The following MGAM2 variants were observed in gnomAD, a reference collection of about 807,000 sequenced individuals.
MGAM2 encodes probable maltase-glucoamylase 2.
A neutral mutation model predicts 96.1 loss-of-function variants in MGAM2; 98 were observed. The observed-to-expected ratio is 1.02, with a 90% confidence interval of 0.87 to 1.21. The LOEUF (loss-of-function observed/expected upper bound fraction) is 1.21, where lower values mean the gene tolerates loss of function less well. Among genes scored for constraint, MGAM2 ranks in the 50% most tolerant of loss-of-function variants. MGAM2 has a pLI of 0.00. For synonymous variants in MGAM2, 749 were observed against 414.8 expected (o/e 1.81, Z -9.79); for missense variants, 2,055 against 1,182.4 (o/e 1.74, Z -10.82).
chr7:142,195,179 A>G (rs10230192), intron 37 of MGAM2, among the ~76,000 whole-genome samples: 102,993 of 150,762 alleles, frequency 0.68, 35,206 homozygotes, highest in African/African-American at 0.72. Flanking sequence ...CTACAGACAC[A>G]CGTGCACCAC....
chr7:142,164,684 T>A (rs145999253), intron 23 of MGAM2, among the ~76,000 whole-genome samples, 172 bp from the exon 24 acceptor site: 3 of 152,100 alleles, frequency 2.0e-5, no homozygotes, highest in African/African-American at 7.2e-5. Context: ...AATTTAAGAT[T>A]GATAAGAGTC....
intron 37 of MGAM2, among the ~76,000 whole-genome samples, chr7:142,190,904 G>A (rs1247933508): frequency 6.6e-6 from 1 of 152,052 alleles, no homozygotes; most frequent in African/African-American, 2.4e-5. Flanking sequence ...GGAGGCCGAA[G>A]TGGGAGGATT....
At position 142,183,241 on chromosome 7, in the gene MGAM2, G is replaced by C. The variant is rs985608621; in HGVS notation, c.3817-25G>C. 4 of 694,194 alleles carry C rather than the reference G, an allele frequency of 5.8e-6. No individual in the cohort carries two copies. The African/African-American group carries it at 7.0e-5, about 12-fold the overall frequency. 43.0% of individuals were successfully genotyped at this position (694,194 alleles called of 1,614,324 possible). A position where few individuals can be genotyped will look rare whatever the true frequency, so the allele number is the denominator to read the frequency against. On this transcript the variant is annotated intron_variant, in intron 32 of 47. Coordinates refer to ENST00000477922, the MANE Select transcript of MGAM2 (RefSeq NM_001293626.2). ...TCTTAGAGATGTTTTCCTCACATTT[G>C]CTGTTTGAAATTCTTTTACTGCAGG...
In MGAM2 at chr7:142,153,990, A is replaced by T. The variant is rs915869617; in HGVS notation, c.1635-28A>T. The T allele has an allele frequency of 1.0e-5, 6 of 577,064 alleles. No individual in the cohort carries two copies. The African/African-American group carries it at 1.1e-4, about 10-fold the overall frequency. 35.7% of individuals were successfully genotyped at this position (577,064 alleles called of 1,614,324 possible). ...GTCCTAGACATTCACAGCCCACCTC[A>T]CACTCCACTGGATGTATTCCTTTCC... is the stretch of plus-strand genomic sequence containing the variant. On this transcript the variant is annotated intron_variant, in intron 15 of 47. Coordinates refer to ENST00000477922, the MANE Select transcript of MGAM2 (RefSeq NM_001293626.2).
Position 142,113,822 on chromosome 7 carries a change from T to TG in MGAM2, c.-1+2021dup, listed in dbSNP as rs917036278. Among the ~76,000 whole-genome samples the TG allele has an allele frequency of 1.2e-3, 189 of 152,122 alleles. 1 individual carries two copies. The highest frequency in any genetic ancestry group is 4.4e-3 in the African/African-American group (184 of 41,512). On this transcript the variant is annotated intron_variant, in intron 1 of 47. Transcript: ENST00000477922. ...TAAAAAAGAAGCCTATACCAGAATT[T>TG]GGGGGGCATCAACATTTAATGAAAT...
chr7:142,120,932 C>T (rs1196952322), intron 3 of MGAM2, among the ~76,000 whole-genome samples: 3 of 152,114 alleles, frequency 2.0e-5, no homozygotes, highest in Non-Finnish European at 4.4e-5. Flanking sequence ...AAAATATCAG[C>T]GACTTGAACC....
chr7:142,154,542 A>T (rs1177178075), intron 16 of MGAM2, among the ~76,000 whole-genome samples, 187 bp from the exon 17 acceptor site: 1 of 152,228 alleles, frequency 6.6e-6, no homozygotes, highest in African/African-American at 2.4e-5. Context: ...TTGCACTATC[A>T]GTAAGTCCGT....
intron 16 of MGAM2, 87 bp from the exon 17 acceptor site, chr7:142,154,642 G>T (rs534464984): frequency 3.3e-5 from 22 of 667,106 alleles, no homozygotes; most frequent in Non-Finnish European, 5.7e-5. Flanking sequence ...TGACAAAGAG[G>T]TTCTCTTTTC....
chr7:142,176,173 T>C (rs564447770), intron 32 of MGAM2, among the ~76,000 whole-genome samples: 2 of 152,102 alleles, frequency 1.3e-5, no homozygotes, highest in East Asian at 3.9e-4. Context: ...AATCTCATCT[T>C]TACGTCAGGA....
chr7:142,219,900 A>G lies in MGAM2; in HGVS notation c.5389A>G (p.Ile1797Val), dbSNP rs1454989056. The change falls in exon 48 of 48, where the codon ATC (isoleucine) becomes GTC (valine). Residue 1797 changes from isoleucine to valine, a missense_variant. By Grantham distance (29) the Ile-to-Val change is conservative. Coordinates refer to ENST00000477922, the MANE Select transcript of MGAM2 (RefSeq NM_001293626.2). The part of the protein sequence containing the change: ...ILTIQLTDKT[I>V]NLEKLTEVTW... Reference sequence around the variant, plus strand: ...AACTATTCAATTGACTGACAAGACTATCAACCTGGAAAAGTTAACTGAGGT... The same window carrying G: ...AACTATTCAATTGACTGACAAGACTGTCAACCTGGAAAAGTTAACTGAGGT... The G allele has an allele frequency of 2.7e-5, 19 of 702,166 alleles. No homozygotes were observed. In the East Asian group the frequency reaches 3.8e-4, roughly 14 times the overall value. The allele number at this position is 702,166 out of a possible 1,614,324, so 43.5% of individuals were successfully genotyped here.
At chr7:142,172,263 C>A in intron 29 of MGAM2, 69 bp downstream of exon 29, 1 of 635,814 alleles carries the variant, frequency 1.6e-6, no homozygotes, top group South Asian at 1.7e-5. Flanking sequence ...GACCTGGTAT[C>A]AATAGAAATA....
intron 12 of MGAM2, 68 bp downstream of exon 12, chr7:142,141,187 G>T (rs1212403585): frequency 1.5e-6 from 1 of 671,002 alleles, no homozygotes; most frequent in African/African-American, 1.8e-5. Flanking sequence ...GTACGAAGAT[G>T]AGTGAAAGGC....
intron 46 of MGAM2, among the ~76,000 whole-genome samples, chr7:142,213,901 A>T (rs943328680): frequency 6.6e-6 from 1 of 152,228 alleles, no homozygotes; most frequent in Non-Finnish European, 1.5e-5. Flanking sequence ...ATGAACATCA[A>T]TGCAAAAGTC....
rs190492950 is a variant in MGAM2 at position 142,171,702 on chromosome 7, A to G, written c.3351+262A>G. On this transcript the variant is annotated intron_variant, in intron 28 of 47. Transcript: ENST00000477922. ...ATGTATATATTTCCCTCTGTCAGTT[A>G]TGGATTTTATTTATCTCACAAACTT... is the stretch of plus-strand genomic sequence containing the variant. Among the ~76,000 whole-genome samples, 189 of 139,806 alleles carry G rather than the reference A, an allele frequency of 1.4e-3. 3 individuals carry two copies. The highest frequency in any genetic ancestry group is 4.2e-3 in the African/African-American group (161 of 38,698). The allele number at this position is 139,806 out of a possible 152,430, so 91.7% of individuals were successfully genotyped here.
At chr7:142,208,847 A>G (rs749448158) in intron 46 of MGAM2, among the ~76,000 whole-genome samples, 16 of 152,190 alleles carry the variant, frequency 1.1e-4, no homozygotes, top group Non-Finnish European at 1.9e-4. Flanking sequence ...AATTCATACA[A>G]TGCTGGGGAA....
intron 12 of MGAM2, among the ~76,000 whole-genome samples, chr7:142,142,882 A>T (rs1191735613): frequency 2.0e-5 from 3 of 152,102 alleles, no homozygotes; most frequent in South Asian, 4.1e-4. Context: ...GTTGAATAAA[A>T]TTTGCTGGCT....
At chr7:142,125,070 G>A (rs113638819) in intron 3 of MGAM2, among the ~76,000 whole-genome samples, 215 of 151,980 alleles carry the variant, frequency 1.4e-3, no homozygotes, top group African/African-American at 4.9e-3. Flanking sequence ...TTTCTAAATT[G>A]TCAATATAGT....
chr7:142,208,632 A>G lies in MGAM2; in HGVS notation c.5187+10A>G. The G allele has an allele frequency of 1.4e-6, 1 of 701,772 alleles. No individual in the cohort carries two copies. The highest frequency in any genetic ancestry group is 2.7e-5 in the East Asian group (1 of 37,268). The allele number at this position is 701,772 out of a possible 1,614,324, so 43.5% of individuals were successfully genotyped here. On this transcript the variant is annotated intron_variant, in intron 46 of 47. Transcript: ENST00000477922. The stretch of plus-strand genomic sequence containing the variant: ...CTTTATAGCAGCTCAGGTAAGACTA[A>G]TTTACTACATTTTACAAATCTTTTC...
chr7:142,208,938 T>G (rs529474346), intron 46 of MGAM2, among the ~76,000 whole-genome samples: 1 of 152,348 alleles, frequency 6.6e-6, no homozygotes, highest in Admixed American at 6.5e-5. Context: ...AAAAATGCTA[T>G]ATAAGCTACT....
Sources: gnomAD v4.1 joint callset for allele counts (sites outside exome capture counted in the v4.1 genomes callset) on GRCh38, gnomAD v4.1.1 for gene constraint, MANE v1.5 for transcripts, NCBI Gene and HGNC (gene_info 2026-07-23, HGNC 2026-07-21) for gene names.